CUBN: variants seen among roughly 807,000 people sequenced by gnomAD.
CUBN encodes cubilin.
CUBN carries 282 observed loss-of-function variants against 405.3 expected under a neutral mutation model. That is an observed-to-expected ratio of 0.70 (90% CI 0.63 to 0.77). The LOEUF (loss-of-function observed/expected upper bound fraction) is 0.77, where lower values mean the gene tolerates loss of function less well. Among genes scored for constraint, CUBN ranks in the 30% least tolerant of loss-of-function variants. The pLI, the probability that CUBN is intolerant of heterozygous loss-of-function variation, is 0.00. For synonymous variants in CUBN, 1,684 were observed against 1,617.0 expected (o/e 1.04, Z -0.99); for missense variants, 4,514 against 4,475.2 (o/e 1.01, Z -0.25).
intron 6 of CUBN, among the ~76,000 whole-genome samples, chr10:17,121,718 T>A (rs1413090082): frequency 1.3e-5 from 2 of 151,798 alleles, no homozygotes; most frequent in Non-Finnish European, 2.9e-5. Flanking sequence ...TTAAAAAAAA[T>A]AGTGATGGTT....
intron 28 of CUBN, among the ~76,000 whole-genome samples, chr10:17,007,776 G>A (rs1834066782): frequency 6.6e-6 from 1 of 152,180 alleles, no homozygotes; most frequent in African/African-American, 2.4e-5. Context: ...ACCTGATTCT[G>A]AGAACATCCC....
intron 29 of CUBN, among the ~76,000 whole-genome samples, chr10:16,986,443 T>C (rs1833428014): frequency 1.3e-5 from 2 of 152,158 alleles, no homozygotes; most frequent in Admixed American, 1.3e-4. Context: ...TTTGAATCTA[T>C]AATGATTTCT....
In CUBN at chr10:16,947,508, T is replaced by A. The variant is rs548839826; in HGVS notation, c.5210-141A>T. The A allele has an allele frequency of 9.7e-4, 931 of 958,318 alleles. 1 individual carries two copies. The highest frequency in any genetic ancestry group is 6.7e-3 in the Middle Eastern group (27 of 4,058). 59.4% of individuals were successfully genotyped at this position (958,318 alleles called of 1,614,324 possible). On this transcript the variant is annotated intron_variant, in intron 35 of 66. Transcript: ENST00000377833. ...CATCTCACATTTTAAAACATTCATGTCATATAAAATAAGGGAACAATTCTG... is the reference window on the plus strand; with the variant it reads ...CATCTCACATTTTAAAACATTCATGACATATAAAATAAGGGAACAATTCTG...
At chr10:16,989,846 T>C (rs1833530808) in intron 29 of CUBN, among the ~76,000 whole-genome samples, 1 of 152,202 alleles carries the variant, frequency 6.6e-6, no homozygotes, top group African/African-American at 2.4e-5. Flanking sequence ...TCCCTGTGCT[T>C]GTTGGCAGTG....
At chr10:16,992,899 A>C (rs1001083259) in intron 28 of CUBN, among the ~76,000 whole-genome samples, 1 of 152,206 alleles carries the variant, frequency 6.6e-6, no homozygotes, top group Non-Finnish European at 1.5e-5. Context: ...AAAGATGAGA[A>C]AATATTTGTC....
intron 31 of CUBN, among the ~76,000 whole-genome samples, chr10:16,959,139 G>C (rs1201090543): frequency 6.6e-6 from 1 of 152,160 alleles, no homozygotes; most frequent in Non-Finnish European, 1.5e-5. Flanking sequence ...GACACTAGAG[G>C]AGGTATTAAG....
intron 22 of CUBN, among the ~76,000 whole-genome samples, chr10:17,051,702 A>C (rs1000482280): frequency 6.6e-6 from 1 of 152,016 alleles, no homozygotes; most frequent in African/African-American, 2.4e-5. Context: ...CAGAAGAAAA[A>C]AAGGTCAGTA....
chr10:17,107,572 A>G (rs1836665787), intron 10 of CUBN, among the ~76,000 whole-genome samples: 1 of 137,970 alleles, frequency 7.2e-6, no homozygotes. Flanking sequence ...ATCTCAGCTC[A>G]CTGTAAGCTC....
In CUBN at chr10:17,100,058, T is replaced by C. The variant is rs964104136; in HGVS notation, c.1712A>G (p.Glu571Gly). 3.1e-6 allele frequency: 5 copies of C among 1,613,842 alleles called. No individual in the cohort carries two copies. The African/African-American group carries it at 5.3e-5, about 17-fold the overall frequency. Residue 571 changes from glutamate (E) to glycine (G), a missense_variant, in exon 14 of 67, where the codon GAA (glutamate) becomes GGA (glycine). By Grantham distance (98) the Glu-to-Gly change is moderately conservative. Around this residue, in one of 5 missense-constraint regions of CUBN, gnomAD observed 1,448 missense variants for 1,388.0 expected, o/e 1.04. Coordinates refer to ENST00000377833, the MANE Select transcript of CUBN (RefSeq NM_001081.4). Reference sequence around the variant, plus strand: ...AAAGCCTCTCCCATTTCTTAAATGTTCAGAATAGAGATGAAAATAGAGAGC... The same window carrying C: ...AAAGCCTCTCCCATTTCTTAAATGTCCAGAATAGAGATGAAAATAGAGAGC... ...DNALYFHLYSEHLRNGRGFTV... is the reference protein window; with the variant it reads ...DNALYFHLYSGHLRNGRGFTV...
At chr10:17,084,239 T>C (rs757053735) in intron 17 of CUBN, 32 bp downstream of exon 17, 2 of 1,607,130 alleles carry the variant, frequency 1.2e-6, no homozygotes, top group African/African-American at 1.3e-5. Context: ...TTGATGAATG[T>C]CATCTAAGGG....
intron 59 of CUBN, among the ~76,000 whole-genome samples, chr10:16,851,658 CTCTA>C (rs1412148754): frequency 1.4e-5 from 2 of 146,168 alleles, no homozygotes; most frequent in Non-Finnish European, 3.0e-5. Flanking sequence ...CCTTCCCTCC[CTCTA>C]TCTTTCCCTC....
At position 17,068,172 on chromosome 10, in the gene CUBN, T is replaced by C. The variant is rs746773376; in HGVS notation, c.2900A>G (p.Asn967Ser). The C allele has an allele frequency of 2.7e-5, 44 of 1,613,584 alleles. No homozygotes were observed. The highest frequency in any genetic ancestry group is 3.3e-5 in the Admixed American group (2 of 59,972). ...TTCGAACATTAAATGAATCAGGTGA[T>C]TAGGTTGGACTAATATATGCCAAGT... Reference protein sequence around the residue: ...NCTWHILVQPNHLIHLMFETF... With the variant: ...NCTWHILVQPSHLIHLMFETF... Residue 967 changes from asparagine to serine, a missense_variant, in exon 21 of 67, where the codon AAT (asparagine) becomes AGT (serine). Physicochemically the swap from Asn to Ser is conservative, Grantham distance 46. Transcript: ENST00000377833.
chr10:16,998,201 T>A (rs951859541), intron 28 of CUBN, among the ~76,000 whole-genome samples: 39 of 151,816 alleles, frequency 2.6e-4, no homozygotes, highest in Admixed American at 1.1e-3. Context: ...AACCTGTGAC[T>A]GTGACCTTTT....
chr10:17,072,768 T>C (rs1331174318), intron 17 of CUBN, among the ~76,000 whole-genome samples: 1 of 151,964 alleles, frequency 6.6e-6, no homozygotes, highest in African/African-American at 2.4e-5. Flanking sequence ...TATACAAAAT[T>C]GAAAATGACA....
At chr10:17,025,175 C>T (rs1362714710) in intron 27 of CUBN, among the ~76,000 whole-genome samples, 1 of 152,066 alleles carries the variant, frequency 6.6e-6, no homozygotes, top group Non-Finnish European at 1.5e-5. Flanking sequence ...AGTAGAGAAT[C>T]CCCTATTCTT....
chr10:16,902,614 C>T (rs1054006197), intron 51 of CUBN, among the ~76,000 whole-genome samples: 1 of 152,146 alleles, frequency 6.6e-6, no homozygotes, highest in Non-Finnish European at 1.5e-5. Flanking sequence ...ATCAATTTCA[C>T]TCCTTCTTCA....
intron 27 of CUBN, among the ~76,000 whole-genome samples, chr10:17,035,391 C>A (rs12261591): frequency 0.17 from 25,914 of 152,066 alleles, 2,694 homozygotes; most frequent in Middle Eastern, 0.34. Flanking sequence ...GAGGGAAACA[C>A]GGATGGCATG....
chr10:17,001,434 G>C (rs1349357452), intron 28 of CUBN, among the ~76,000 whole-genome samples: 2 of 152,194 alleles, frequency 1.3e-5, no homozygotes, highest in African/African-American at 4.8e-5. Flanking sequence ...ACAGGGTGCT[G>C]ATTGGTCTGT....
intron 64 of CUBN, 105 bp from the exon 65 acceptor site, chr10:16,831,522 T>A: frequency 9.4e-7 from 1 of 1,062,952 alleles, no homozygotes. Context: ...AAAAGCTTTG[T>A]CTTTTTATAC....
Sources: gnomAD v4.1 joint callset for allele counts (sites outside exome capture counted in the v4.1 genomes callset) on GRCh38, gnomAD v4.1.1 for gene constraint, gnomAD v4.1.1 regional missense constraint, MANE v1.5 for transcripts, NCBI Gene and HGNC (gene_info 2026-07-23, HGNC 2026-07-21) for gene names.